The following SYNE2 variants were observed in gnomAD, a reference collection of about 807,000 sequenced individuals.
SYNE2 encodes spectrin repeat containing nuclear envelope protein 2, also known as nesprin-2.
Under a neutral mutation model 856.3 loss-of-function variants are expected in SYNE2, and 431 were observed. The ratio of observed to expected loss-of-function variants is 0.50; its 90% CI spans 0.47 to 0.55. The LOEUF (loss-of-function observed/expected upper bound fraction) is 0.55. Ranked by LOEUF, SYNE2 falls within the 20% of genes least tolerant of loss-of-function variation. SYNE2 has a pLI of 0.00. For synonymous variants in SYNE2, 2,923 were observed against 2,872.3 expected (o/e 1.02, Z -0.56); for missense variants, 8,129 against 8,023.2 (o/e 1.01, Z -0.50).
rs142514437 is a variant in SYNE2, at chr14:64,140,017, T to G, written c.14920T>G (p.Ser4974Ala). The G allele has an allele frequency of 1.4e-4, 221 of 1,613,980 alleles. No individual in the cohort carries two copies. In the African/African-American group the frequency reaches 2.8e-3, roughly 20 times the overall value. The change falls in exon 80 of 116, where the codon TCC (serine) becomes GCC (alanine). Residue 4974 changes from serine to alanine, a missense_variant. By Grantham distance (99) the Ser-to-Ala change is moderately conservative. Transcript: ENST00000555002. ...QHTLNYWKEQSLNVSQDLDTI... is the reference protein window; with the variant it reads ...QHTLNYWKEQALNVSQDLDTI... Reference sequence around the variant, plus strand: ...TACTCTGAATTACTGGAAAGAACAGTCCCTCAATGTGTCTCAGGACTTGGA... The same window carrying G: ...TACTCTGAATTACTGGAAAGAACAGGCCCTCAATGTGTCTCAGGACTTGGA...
At chr14:64,012,331 C>T (rs1033871476) in intron 32 of SYNE2, among the ~76,000 whole-genome samples, 1 of 152,136 alleles carries the variant, frequency 6.6e-6, no homozygotes, top group Non-Finnish European at 1.5e-5. Flanking sequence ...GTATTCTTAT[C>T]CTCTATTCTC....
At chr14:64,216,905 A>T (rs2140299571) in intron 108 of SYNE2, among the ~76,000 whole-genome samples, 1 of 152,200 alleles carries the variant, frequency 6.6e-6, no homozygotes, top group Admixed American at 6.5e-5. Flanking sequence ...TTGTATTTTT[A>T]GTAGAGATGG....
intron 1 of SYNE2, among the ~76,000 whole-genome samples, chr14:63,881,115 T>G (rs2094853091): frequency 1.3e-5 from 2 of 151,790 alleles, no homozygotes; most frequent in Non-Finnish European, 2.9e-5. Flanking sequence ...CCCAAAGTGC[T>G]GGGATTACAG....
At chr14:64,147,354 C>T (rs919976427) in intron 84 of SYNE2, among the ~76,000 whole-genome samples, 1 of 152,138 alleles carries the variant, frequency 6.6e-6, no homozygotes, top group Non-Finnish European at 1.5e-5. Context: ...AGGGATATTT[C>T]TGAAATGCAA....
chr14:63,941,572 T>C, intron 3 of SYNE2, 123 bp from the exon 4 acceptor site: 1 of 784,482 alleles, frequency 1.3e-6, no homozygotes, highest in Non-Finnish European at 2.2e-6. Flanking sequence ...TCTCTCATTC[T>C]CTTAATTAAG....
intron 1 of SYNE2, among the ~76,000 whole-genome samples, chr14:63,833,302 C>A (rs573678434): frequency 6.6e-6 from 1 of 152,186 alleles, no homozygotes; most frequent in Non-Finnish European, 1.5e-5. Flanking sequence ...TATTAAATAT[C>A]CACATACATG....
chr14:63,833,003 G>T (rs747608361), intron 1 of SYNE2, among the ~76,000 whole-genome samples: 13 of 150,756 alleles, frequency 8.6e-5, no homozygotes, highest in Non-Finnish European at 1.6e-4. Context: ...GGTGACAGAG[G>T]CTTTTGATAT....
At chr14:64,017,158 G>C (rs2096898338) in intron 33 of SYNE2, among the ~76,000 whole-genome samples, 1 of 151,746 alleles carries the variant, frequency 6.6e-6, no homozygotes, top group African/African-American at 2.4e-5. Context: ...GGTGAATCCT[G>C]TCTCTACTAA....
intron 1 of SYNE2, among the ~76,000 whole-genome samples, chr14:63,840,528 A>C (rs1309639128): frequency 8.7e-6 from 1 of 115,598 alleles, no homozygotes. Context: ...TTTTTTTTTG[A>C]AAGGGGTCTC....
chr14:64,039,581 T>C (rs2097131600), intron 45 of SYNE2, among the ~76,000 whole-genome samples: 1 of 152,070 alleles, frequency 6.6e-6, no homozygotes, highest in Admixed American at 6.6e-5. Context: ...AAAAAAAGAG[T>C]AGACGTTGTT....
At chr14:64,213,085 C>CCTGT in intron 105 of SYNE2, 80 bp downstream of exon 105, 1 of 1,450,450 alleles carries the variant, frequency 6.9e-7, no homozygotes, top group Non-Finnish European at 9.6e-7. Flanking sequence ...AATTAGGGGA[C>CCTGT]CTGTCTTATA....
intron 1 of SYNE2, among the ~76,000 whole-genome samples, chr14:63,774,417 C>T (rs973770969): frequency 1.0e-4 from 15 of 144,200 alleles, no homozygotes; most frequent in Middle Eastern, 3.9e-3. Context: ...TGCAGTGAGC[C>T]GAGATCGAGC....
intron 70 of SYNE2, 144 bp from the exon 71 acceptor site, chr14:64,124,935 A>G: frequency 7.2e-6 from 7 of 971,936 alleles, no homozygotes; most frequent in Non-Finnish European, 1.0e-5. Context: ...CATGGGAGAC[A>G]GAGGTTTCAG....
chr14:63,771,471 C>T (rs1035237844), intron 1 of SYNE2, among the ~76,000 whole-genome samples: 2 of 152,206 alleles, frequency 1.3e-5, no homozygotes, highest in Non-Finnish European at 2.9e-5. Flanking sequence ...CCAGCAATTT[C>T]ACTCCTATGT....
chr14:63,789,628 A>G (rs1486299003), intron 1 of SYNE2, among the ~76,000 whole-genome samples: 1 of 152,136 alleles, frequency 6.6e-6, no homozygotes, highest in East Asian at 1.9e-4. Context: ...AACTAAAAAT[A>G]CAAAAATTAA....
At chr14:64,133,162 C>T (rs1595741461) in intron 77 of SYNE2, among the ~76,000 whole-genome samples, 1 of 151,496 alleles carries the variant, frequency 6.6e-6, no homozygotes, top group South Asian at 2.1e-4. Flanking sequence ...GCCTAGATTG[C>T]ACCACTGCAC....
At chr14:64,035,056 C>T (rs1337826688) in intron 45 of SYNE2, among the ~76,000 whole-genome samples, 1 of 151,296 alleles carries the variant, frequency 6.6e-6, no homozygotes. Context: ...AACTGAAAAC[C>T]TTTGGTCTGT....
Position 64,146,098 on chromosome 14 carries a change from A to G in SYNE2, c.15514A>G (p.Ile5172Val), listed in dbSNP as rs2098184400. The G allele has an allele frequency of 1.9e-6, 3 of 1,593,280 alleles. No individual in the cohort carries two copies. Among genetic ancestry groups the G allele is most frequent in the East Asian group, 4.5e-5 (2 of 44,514 alleles). ...ACATTTAGAACAACTTCTAGAAAGT[A>G]TCACTGAGAGTGAAAATAAAATACA... The part of the protein sequence containing the change: ...IQHLEQLLES[I>V]TESENKIQIL... Residue 5172 changes from isoleucine (I) to valine (V), a missense_variant, in exon 84 of 116, where the codon ATC (isoleucine) becomes GTC (valine). By Grantham distance (29) the Ile-to-Val change is conservative. Transcript: ENST00000555002.
At chr14:64,080,064 T>G (rs1255956) in intron 55 of SYNE2, among the ~76,000 whole-genome samples, 1 of 151,502 alleles carries the variant, frequency 6.6e-6, no homozygotes, top group Non-Finnish European at 1.5e-5. Context: ...TGTGTGTGTG[T>G]GCGCGTGCGT....
Sources: gnomAD v4.1 joint callset for allele counts (sites outside exome capture counted in the v4.1 genomes callset) on GRCh38, gnomAD v4.1.1 for gene constraint, MANE v1.5 for transcripts, NCBI Gene and HGNC (gene_info 2026-07-23, HGNC 2026-07-21) for gene names.